PCNX1: variants seen among roughly 807,000 people sequenced by gnomAD.
The protein encoded by PCNX1 is pecanex 1.
A neutral mutation model predicts 242.2 loss-of-function variants in PCNX1; 78 were observed. That is an observed-to-expected ratio of 0.32 (90% confidence interval 0.27 to 0.39). PCNX1 has a LOEUF of 0.39. PCNX1 is among the 10% of genes least tolerant of loss of function. PCNX1 has a pLI of 1.00. For missense variants in PCNX1, 2,581 were observed against 2,856.5 expected, an observed-to-expected ratio of 0.90 and a Z score of 2.20; for synonymous variants, 1,024 against 1,032.9, an observed-to-expected ratio of 0.99 and a Z score of 0.17.
intron 1 of PCNX1, among the ~76,000 whole-genome samples, chr14:70,928,438 C>G (rs61988719): frequency 0.014 from 2,145 of 152,194 alleles, 23 homozygotes; most frequent in Middle Eastern, 0.034. Context: ...GTTGGACTTG[C>G]CATGAGACAG....
In PCNX1 at chr14:71,055,507, A is replaced by C. The variant is rs549814344; in HGVS notation, c.4581A>C (p.Thr1527=). 1 of 1,598,070 alleles carries C rather than the reference A, an allele frequency of 6.3e-7. No individual in the cohort carries two copies. Among genetic ancestry groups the C allele is most frequent in the South Asian group, 1.1e-5 (1 of 90,148 alleles). ...AAAAATGTTTTATTTTCTTTAGCAC[A>C]AAACGAGTGGATCATTCAAATACCA... is the stretch of plus-strand genomic sequence containing the variant. ...PVKFWERDYN[T]KRVDHSNTRL... Residue 1527 remains threonine (T), a synonymous_variant, in exon 25 of 36, where the codon ACA becomes ACC. Coordinates refer to ENST00000304743, the MANE Select transcript of PCNX1 (RefSeq NM_014982.3).
At chr14:71,090,077 A>G (rs1183603269) in intron 30 of PCNX1, among the ~76,000 whole-genome samples, 2 of 152,178 alleles carry the variant, frequency 1.3e-5, no homozygotes, top group African/African-American at 4.8e-5. Context: ...CTCTAAATAT[A>G]GTGTGGTAAC....
At chr14:71,074,044 T>C (rs928980652) in intron 27 of PCNX1, among the ~76,000 whole-genome samples, 2 of 152,242 alleles carry the variant, frequency 1.3e-5, no homozygotes, top group Non-Finnish European at 2.9e-5. Flanking sequence ...TTGTAGCTTG[T>C]GTTTTAGCTT....
chr14:70,992,290 T>C (rs1289576379), intron 7 of PCNX1, among the ~76,000 whole-genome samples: 1 of 152,174 alleles, frequency 6.6e-6, no homozygotes, highest in Non-Finnish European at 1.5e-5. Flanking sequence ...AACGCTTTAG[T>C]GTATTCTTAA....
intron 2 of PCNX1, among the ~76,000 whole-genome samples, chr14:70,955,821 T>G (rs2057970758): frequency 6.6e-6 from 1 of 152,174 alleles, no homozygotes; most frequent in Non-Finnish European, 1.5e-5. Flanking sequence ...TACTTCTGAA[T>G]TTATAGAGAA....
intron 1 of PCNX1, among the ~76,000 whole-genome samples, chr14:70,914,864 C>T (rs906992629): frequency 6.6e-6 from 1 of 152,160 alleles, no homozygotes; most frequent in African/African-American, 2.4e-5. Context: ...GATAAATGCA[C>T]ACGTTTGCGT....
chr14:70,987,817 A>G (rs1170139492), intron 6 of PCNX1, among the ~76,000 whole-genome samples: 1 of 152,220 alleles, frequency 6.6e-6, no homozygotes, highest in East Asian at 1.9e-4. Context: ...TACAAACAAT[A>G]AAGTACAAAC....
chr14:70,988,631 A>T lies in PCNX1; in HGVS notation c.2376A>T (p.Ala792=). 6.2e-7 allele frequency: 1 copy of T among 1,614,062 alleles called. No homozygotes were observed. The highest frequency in any genetic ancestry group is 8.5e-7 in the Non-Finnish European group (1 of 1,179,914). The change falls in exon 7 of 36, where the codon GCA becomes GCT. Residue 792 remains alanine (A), a synonymous_variant. Coordinates refer to ENST00000304743, the MANE Select transcript of PCNX1 (RefSeq NM_014982.3). ...RRERSTFRRQ[A]VRRRHNAGSN... ...AACGCAGCACATTTAGGCGCCAGGC[A>T]GTACGGCGCCGGCACAATGCAGGGA...
chr14:71,047,727 A>T (rs1595368615), intron 21 of PCNX1, 80 bp from the exon 22 acceptor site: 1 of 1,183,956 alleles, frequency 8.4e-7, no homozygotes, highest in Non-Finnish European at 1.2e-6. Context: ...TAGTAAAGTA[A>T]ATGGTGAATT....
chr14:71,038,735 G>A (rs1315379973), intron 19 of PCNX1, among the ~76,000 whole-genome samples: 2 of 152,042 alleles, frequency 1.3e-5, no homozygotes, highest in African/African-American at 4.8e-5. Context: ...TATACCCAAA[G>A]GACTATAAAT....
At chr14:70,997,137 A>G (rs1005326571) in intron 8 of PCNX1, among the ~76,000 whole-genome samples, 1 of 152,172 alleles carries the variant, frequency 6.6e-6, no homozygotes, top group African/African-American at 2.4e-5. Context: ...TTGAGGGAGA[A>G]TGAGGTAGAC....
intron 12 of PCNX1, among the ~76,000 whole-genome samples, chr14:71,021,861 A>G (rs533317381): frequency 2.0e-5 from 3 of 151,858 alleles, no homozygotes; most frequent in East Asian, 3.9e-4. Context: ...TGCTTAATTT[A>G]TGAGAATTCT....
At chr14:71,069,445 G>GAA in intron 26 of PCNX1, among the ~76,000 whole-genome samples, 1 of 152,006 alleles carries the variant, frequency 6.6e-6, no homozygotes, top group Non-Finnish European at 1.5e-5. Flanking sequence ...TTCTATTATT[G>GAA]GTTTAAAAGA....
chr14:70,974,244 G>GTTTTT (rs1202073692), intron 5 of PCNX1, among the ~76,000 whole-genome samples: 1 of 117,246 alleles, frequency 8.5e-6, no homozygotes, highest in African/African-American at 3.1e-5. Flanking sequence ...TTTTTTTGTT[G>GTTTTT]TTTTTTTTTT....
intron 1 of PCNX1, among the ~76,000 whole-genome samples, chr14:70,912,189 T>C (rs1225981081): frequency 2.0e-5 from 3 of 151,464 alleles, no homozygotes; most frequent in Non-Finnish European, 4.4e-5. Context: ...GAGCCAAGAT[T>C]GTGCCACTGC....
chr14:70,913,503 A>T (rs1054577922), intron 1 of PCNX1, among the ~76,000 whole-genome samples: 21 of 152,362 alleles, frequency 1.4e-4, no homozygotes, highest in African/African-American at 4.8e-4. Context: ...CATACATGAT[A>T]TATACAGTAA....
rs146723701 is a variant in PCNX1, at chr14:71,100,760, C to T, written c.5590-1230C>T. Among the ~76,000 whole-genome samples, 159 of 152,232 alleles carry T rather than the reference C, an allele frequency of 1.0e-3. 2 individuals carry two copies. Among genetic ancestry groups the T allele is most frequent in the African/African-American group, 3.6e-3 (150 of 41,546 alleles). On this transcript the variant is annotated intron_variant, in intron 30 of 35. Coordinates refer to ENST00000304743, the MANE Select transcript of PCNX1 (RefSeq NM_014982.3). ...TAAGTTTGGTTGCTTTACATAATCC[C>T]GTATTCCTCAAAGACTCTCTTCATT...
intron 1 of PCNX1, among the ~76,000 whole-genome samples, chr14:70,931,316 A>G (rs1359741218): frequency 9.2e-5 from 14 of 152,252 alleles, no homozygotes; most frequent in Admixed American, 9.2e-4. Flanking sequence ...GGCCATCTTA[A>G]GAGCTTTACA....
At chr14:70,915,512 G>C (rs188430127) in intron 1 of PCNX1, among the ~76,000 whole-genome samples, 204 of 152,268 alleles carry the variant, frequency 1.3e-3, no homozygotes, top group African/African-American at 4.8e-3. Context: ...AATTCATACT[G>C]TTTTCAAGTC....
Sources: allele counts gnomAD v4.1 joint callset (sites outside exome capture counted in the v4.1 genomes callset), GRCh38; gene constraint gnomAD v4.1.1; transcripts MANE v1.5; gene names NCBI Gene and HGNC (gene_info 2026-07-23, HGNC 2026-07-21).